Variants in SLC9A9 observed in about 807,000 individuals in gnomAD.
SLC9A9 encodes the protein sodium/hydrogen exchanger 9.
SLC9A9 carries 62 observed loss-of-function variants against 77.8 expected under a neutral mutation model. That is an observed-to-expected ratio of 0.80 (90% confidence interval 0.65 to 0.98). The LOEUF (loss-of-function observed/expected upper bound fraction) is 0.98. Ranked by LOEUF, SLC9A9 falls within the 50% of genes least tolerant of loss-of-function variation. The probability of loss-of-function intolerance (pLI) is 0.00; values close to 1 mark genes in which losing one functional copy is unlikely to be tolerated. For synonymous variants in SLC9A9, 320 were observed against 283.5 expected, an observed-to-expected ratio of 1.13 and a Z score of -1.29; for missense variants, 775 against 774.9, an observed-to-expected ratio of 1.00 and a Z score of 0.00.
chr3:143,734,981 T>C (rs1250224180), intron 4 of SLC9A9, among the ~76,000 whole-genome samples: 4 of 152,184 alleles, frequency 2.6e-5, no homozygotes, highest in African/African-American at 9.7e-5. Flanking sequence ...TTGAGATACA[T>C]TGATTCAATC....
chr3:143,341,044 T>TTC (rs2032082248), intron 14 of SLC9A9, among the ~76,000 whole-genome samples: 2 of 152,206 alleles, frequency 1.3e-5, no homozygotes, highest in East Asian at 3.8e-4. Flanking sequence ...TCTTTAAAAT[T>TTC]TTTAAGACTA....
chr3:143,421,815 G>T (rs2034302084), intron 12 of SLC9A9, among the ~76,000 whole-genome samples: 1 of 152,188 alleles, frequency 6.6e-6, no homozygotes, highest in African/African-American at 2.4e-5. Context: ...CCACAGAATA[G>T]GAGAAAATAT....
intron 2 of SLC9A9, among the ~76,000 whole-genome samples, chr3:143,809,108 A>C (rs951312619): frequency 2.0e-5 from 3 of 152,218 alleles, no homozygotes; most frequent in Non-Finnish European, 4.4e-5. Flanking sequence ...AGTTTTTAGC[A>C]TAGAGATGTA....
intron 6 of SLC9A9, among the ~76,000 whole-genome samples, chr3:143,621,758 G>A (rs1243219517): frequency 6.6e-6 from 1 of 152,186 alleles, no homozygotes; most frequent in East Asian, 1.9e-4. Flanking sequence ...GAACAAAGCT[G>A]GACGGAGAAT....
chr3:143,487,459 C>T (rs1406300103), intron 11 of SLC9A9, among the ~76,000 whole-genome samples: 1 of 151,746 alleles, frequency 6.6e-6, no homozygotes, highest in Non-Finnish European at 1.5e-5. Context: ...CCAACGACAA[C>T]AACATACACA....
At chr3:143,687,630 A>G (rs184388058) in intron 5 of SLC9A9, among the ~76,000 whole-genome samples, 186 of 152,250 alleles carry the variant, frequency 1.2e-3, no homozygotes, top group African/African-American at 4.1e-3. Flanking sequence ...ATTGTTTTAA[A>G]ATAAAAACCA....
Position 143,766,077 on chromosome 3 carries a change from T to C in SLC9A9, c.533+28924A>G, listed in dbSNP as rs547665935. On this transcript the variant is annotated intron_variant, in intron 4 of 15. Transcript: ENST00000316549. ...CCCAGCAGAGCAAAGCCTAAAGCCC[T>C]GACCTGCGGACTCTTGAGCTGTTAT... Among the ~76,000 whole-genome samples, 14 of 152,304 alleles carry C rather than the reference T, an allele frequency of 9.2e-5. No individual in the cohort carries two copies. In the South Asian group the frequency reaches 2.9e-3, roughly 32 times the overall value.
chr3:143,279,933 C>T (rs908280951), intron 14 of SLC9A9, among the ~76,000 whole-genome samples: 2 of 152,190 alleles, frequency 1.3e-5, no homozygotes, highest in East Asian at 1.9e-4. Context: ...AATCCTCCCC[C>T]CTCAGCCTCT....
chr3:143,271,265 A>C (rs1937891372), intron 14 of SLC9A9, among the ~76,000 whole-genome samples: 1 of 152,176 alleles, frequency 6.6e-6, no homozygotes, highest in African/African-American at 2.4e-5. Flanking sequence ...GCTTTTAGTG[A>C]GTATGAGGAC....
chr3:143,625,872 A>G (rs1474511440), intron 6 of SLC9A9, among the ~76,000 whole-genome samples: 1 of 152,250 alleles, frequency 6.6e-6, no homozygotes, highest in East Asian at 1.9e-4. Context: ...CTCATCTGAC[A>G]AAGGGCTAAT....
chr3:143,523,997 C>T (rs915301498), intron 9 of SLC9A9, among the ~76,000 whole-genome samples: 41 of 152,226 alleles, frequency 2.7e-4, no homozygotes, highest in African/African-American at 9.6e-4. Flanking sequence ...GAACAGGATT[C>T]TGTGGTCCTT....
At chr3:143,545,700 G>A (rs1225015614) in intron 9 of SLC9A9, among the ~76,000 whole-genome samples, 1 of 152,208 alleles carries the variant, frequency 6.6e-6, no homozygotes, top group Non-Finnish European at 1.5e-5. Context: ...TTTCCAGGAA[G>A]AAGCATTCAG....
At chr3:143,266,993 C>CA in intron 15 of SLC9A9, 64 bp from the exon 16 acceptor site, 1 of 1,373,706 alleles carries the variant, frequency 7.3e-7, no homozygotes, top group Non-Finnish European at 1.0e-6. Flanking sequence ...AGCAGTCCTA[C>CA]AATTTTTTTT....
At chr3:143,785,441 T>A (rs757978574) in intron 4 of SLC9A9, among the ~76,000 whole-genome samples, 1 of 152,048 alleles carries the variant, frequency 6.6e-6, no homozygotes, top group African/African-American at 2.4e-5. Context: ...GACAGGTGAG[T>A]GGGCCCATCT....
chr3:143,624,388 C>A (rs1261507684), intron 6 of SLC9A9, among the ~76,000 whole-genome samples: 1 of 152,174 alleles, frequency 6.6e-6, no homozygotes. Context: ...CCAACTGAAT[C>A]CAGCAGCACA....
chr3:143,589,089 G>T (rs2037606135), intron 6 of SLC9A9, among the ~76,000 whole-genome samples: 1 of 152,194 alleles, frequency 6.6e-6, no homozygotes. Context: ...CCCCACGGTT[G>T]AAAATAGAGA....
chr3:143,747,754 T>C (rs1182657703), intron 4 of SLC9A9, among the ~76,000 whole-genome samples: 1 of 152,246 alleles, frequency 6.6e-6, no homozygotes, highest in Non-Finnish European at 1.5e-5. Context: ...ATACTGACTT[T>C]GGCCTCCAGA....
At chr3:143,514,910 C>A (rs978989096) in intron 9 of SLC9A9, among the ~76,000 whole-genome samples, 6 of 152,104 alleles carry the variant, frequency 3.9e-5, no homozygotes, top group African/African-American at 1.2e-4. Context: ...ATTTAGAAAA[C>A]TTTTCCTTTG....
At chr3:143,579,018 T>G (rs2037411894) in intron 6 of SLC9A9, among the ~76,000 whole-genome samples, 1 of 152,154 alleles carries the variant, frequency 6.6e-6, no homozygotes, top group Admixed American at 6.5e-5. Flanking sequence ...ACATGGTAGG[T>G]GTATAAGGAA....
Sources: gnomAD v4.1 joint callset for allele counts (sites outside exome capture counted in the v4.1 genomes callset) on GRCh38, gnomAD v4.1.1 for gene constraint, MANE v1.5 for transcripts, NCBI Gene and HGNC (gene_info 2026-07-23, HGNC 2026-07-21) for gene names.